Variants in MYG1 observed in about 807,000 individuals in gnomAD.
MYG1 encodes the protein MYG1 exonuclease.
In MYG1, 36 loss-of-function variants were observed where a neutral mutation model predicts 43.5. The ratio of observed to expected loss-of-function variants is 0.83; its 90% CI spans 0.63 to 1.09. The LOEUF (loss-of-function observed/expected upper bound fraction) is 1.09, where lower values mean the gene tolerates loss of function less well. Among genes scored for constraint, MYG1 ranks in the 50% least tolerant of loss-of-function variants. MYG1 has a pLI of 0.00. For synonymous variants in MYG1, 220 were observed against 202.8 expected, an observed-to-expected ratio of 1.08 and a Z score of -0.72; for missense variants, 529 against 495.1, an observed-to-expected ratio of 1.07 and a Z score of -0.65.
In MYG1 at chr12:53,299,734, G is replaced by A. The variant is rs755607679; in HGVS notation, c.-4G>A. 2.5e-6 allele frequency: 4 copies of A among 1,611,238 alleles called. No homozygotes were observed. Among genetic ancestry groups the A allele is most frequent in the East Asian group, 4.5e-5 (2 of 44,728 alleles). ...CGCTCCTGCCTCCCTGCAGGGAGCTGCTTATGGGACACCAATTCCTGCGCG... is the reference window on the plus strand; with the variant it reads ...CGCTCCTGCCTCCCTGCAGGGAGCTACTTATGGGACACCAATTCCTGCGCG... On this transcript the variant is annotated 5_prime_UTR_variant, in exon 1 of 7. Coordinates refer to ENST00000267103, the MANE Select transcript of MYG1 (RefSeq NM_021640.4).
Position 53,300,204 on chromosome 12 carries a change from G to A in MYG1, c.271G>A (p.Val91Met). The A allele has an allele frequency of 6.2e-7, 1 of 1,606,250 alleles. No individual in the cohort carries two copies. The highest frequency in any genetic ancestry group is 2.2e-5 in the East Asian group (1 of 44,810). ...CGAAAAACTCGCTTCCTGTGACATC[G>A]TGGTGGACGTGGGGGGCGAGTACGA... Reference protein sequence around the residue: ...DPEKLASCDIVVDVGGEYDPR... With the variant: ...DPEKLASCDIMVDVGGEYDPR... Residue 91 changes from valine (V) to methionine (M), a missense_variant, in exon 2 of 7, where the codon GTG becomes ATG. Transcript: ENST00000267103.
At chr12:53,306,407 G>C (rs900071871) in intron 5 of MYG1, 87 bp downstream of exon 5, 2 of 1,562,374 alleles carry the variant, frequency 1.3e-6, no homozygotes, top group Non-Finnish European at 1.7e-6. Flanking sequence ...CTAAACCCTG[G>C]AGTGCAGTGG....
intron 1 of MYG1, 55 bp downstream of exon 1, chr12:53,300,008 G>A: frequency 6.2e-7 from 1 of 1,600,344 alleles, no homozygotes; most frequent in Non-Finnish European, 8.5e-7. Context: ...CTCCGGGGTG[G>A]ATGGCATTCC....
intron 3 of MYG1, chr12:53,303,919 C>T (rs372838125): frequency 9.2e-5 from 14 of 152,256 alleles, no homozygotes; most frequent in African/African-American, 3.4e-4. Flanking sequence ...TCTTGGCTCA[C>T]TGCAAGCTCC....
At chr12:53,303,254 G>C in intron 3 of MYG1, 61 bp downstream of exon 3, 1 of 1,575,140 alleles carries the variant, frequency 6.3e-7, no homozygotes, top group Non-Finnish European at 8.6e-7. Context: ...CCTGGGAGCA[G>C]TGCTCACACA....
At chr12:53,303,227 G>A in intron 3 of MYG1, 34 bp downstream of exon 3, 1 of 1,603,310 alleles carries the variant, frequency 6.2e-7, no homozygotes, top group Non-Finnish European at 8.5e-7. Flanking sequence ...CCCCCCACAT[G>A]CATTTCCAGC....
intron 1 of MYG1, 90 bp downstream of exon 1, chr12:53,300,043 C>A: frequency 6.4e-7 from 1 of 1,552,184 alleles, no homozygotes; most frequent in South Asian, 1.2e-5. Context: ...TCCGATAGCG[C>A]CCGGCAGCCC....
intron 5 of MYG1, 144 bp from the exon 6 acceptor site, chr12:53,306,536 G>A: frequency 2.8e-6 from 3 of 1,080,196 alleles, no homozygotes; most frequent in Middle Eastern, 3.1e-4. Flanking sequence ...TAGAGACAGG[G>A]TCTTACTTTG....
chr12:53,299,862 T>G lies in MYG1; in HGVS notation c.125T>G (p.Met42Arg), dbSNP rs993809420. The change falls in exon 1 of 7, where the codon ATG becomes AGG. Residue 42 changes from methionine to arginine, a missense_variant. Coordinates refer to ENST00000267103, the MANE Select transcript of MYG1 (RefSeq NM_021640.4). Reference protein sequence around the residue: ...PPPKRSRSKLMAPPRIGTHNG... With the variant: ...PPPKRSRSKLRAPPRIGTHNG... ...CCAAAACGATCCCGCAGCAAACTCA[T>G]GGCACCGCCCCGAATCGGGACGCAC... The G allele has an allele frequency of 1.9e-6, 3 of 1,614,058 alleles. No individual in the cohort carries two copies. The highest frequency in any genetic ancestry group is 2.5e-6 in the Non-Finnish European group (3 of 1,180,032).
chr12:53,300,731 A>G (rs771246413), intron 2 of MYG1, among the ~76,000 whole-genome samples: 2 of 152,042 alleles, frequency 1.3e-5, no homozygotes, highest in Non-Finnish European at 2.9e-5. Flanking sequence ...TTCTCCCTCA[A>G]GCCTCTACCG....
intron 3 of MYG1, among the ~76,000 whole-genome samples, chr12:53,304,127 G>C (rs1944252031): frequency 6.6e-6 from 1 of 152,048 alleles, no homozygotes; most frequent in African/African-American, 2.4e-5. Flanking sequence ...ACAGGTCTGA[G>C]CCACTGCACC....
intron 2 of MYG1, 66 bp from the exon 3 acceptor site, chr12:53,302,968 T>C: frequency 1.4e-6 from 2 of 1,454,994 alleles, no homozygotes; most frequent in African/African-American, 1.4e-5. Context: ...AGTTAACCAT[T>C]GAATGAATGC....
chr12:53,301,061 A>G (rs1435976791), intron 2 of MYG1, among the ~76,000 whole-genome samples: 2 of 151,930 alleles, frequency 1.3e-5, no homozygotes, highest in Non-Finnish European at 2.9e-5. Flanking sequence ...CTGGGACTAC[A>G]GGCACCCACC....
At chr12:53,302,903 G>GT in intron 2 of MYG1, 131 bp from the exon 3 acceptor site, 1 of 1,149,730 alleles carries the variant, frequency 8.7e-7, no homozygotes, top group East Asian at 2.5e-5. Context: ...CAGTGTCTTG[G>GT]TTTTTTATCC....
chr12:53,300,068 C>T, intron 1 of MYG1, 82 bp from the exon 2 acceptor site: 1 of 1,522,574 alleles, frequency 6.6e-7, no homozygotes, highest in South Asian at 1.2e-5. Context: ...ACCCTTCCTA[C>T]CCTTCCTGCC....
At position 53,300,191 on chromosome 12, in the gene MYG1, T is replaced by C; in HGVS notation, c.258T>C (p.Ala86=). ...GGACCCGGGATCCCGAAAAACTCGC[T>C]TCCTGTGACATCGTGGTGGACGTGG... ...IVRTRDPEKL[A]SCDIVVDVGG... is the part of the protein sequence containing the mutation. The change falls in exon 2 of 7, where the codon GCT becomes GCC. Residue 86 remains alanine (A), a synonymous_variant. Transcript: ENST00000267103. 6.2e-7 allele frequency: 1 copy of C among 1,607,430 alleles called. No homozygotes were observed. Among genetic ancestry groups the C allele is most frequent in the Admixed American group, 1.7e-5 (1 of 59,374 alleles).
At chr12:53,300,590 G>A (rs117730257) in intron 2 of MYG1, among the ~76,000 whole-genome samples, 5 of 152,318 alleles carry the variant, frequency 3.3e-5, no homozygotes, top group Admixed American at 6.5e-5. Flanking sequence ...CCTTGCTGCT[G>A]CACCTAACTG....
At position 53,303,137 on chromosome 12, in the gene MYG1, G is replaced by A. The variant is rs765393732; in HGVS notation, c.433G>A (p.Ala145Thr). The change falls in exon 3 of 7, where the codon GCC becomes ACC. Residue 145 changes from alanine to threonine, a missense_variant. By Grantham distance (58) the Ala-to-Thr change is moderately conservative. Transcript: ENST00000267103. ...IYLHFGHKLL[A>T]QLLGTSEEDS... is the part of the protein sequence containing the mutation. ...TCTGCACTTCGGGCACAAGCTGCTG[G>A]CCCAGTTGCTGGGCACTAGTGAAGA... 9.9e-6 allele frequency: 16 copies of A among 1,614,038 alleles called. No individual in the cohort carries two copies. The highest frequency in any genetic ancestry group is 1.7e-5 in the Admixed American group (1 of 60,000).
chr12:53,301,350 C>T (rs1006078360), intron 2 of MYG1, among the ~76,000 whole-genome samples: 1 of 152,152 alleles, frequency 6.6e-6, no homozygotes, highest in Non-Finnish European at 1.5e-5. Flanking sequence ...TCAATTATAC[C>T]ACACCACGAG....
Sources: gnomAD v4.1 joint callset for allele counts (sites outside exome capture counted in the v4.1 genomes callset) on GRCh38, gnomAD v4.1.1 for gene constraint, MANE v1.5 for transcripts, NCBI Gene and HGNC (gene_info 2026-07-23, HGNC 2026-07-21) for gene names.